The following KRT3 variants were observed in gnomAD, a reference collection of about 807,000 sequenced individuals.
KRT3 encodes the protein keratin 3.
A neutral mutation model predicts 45.8 loss-of-function variants in KRT3; 34 were observed. The observed-to-expected ratio is 0.74, with a 90% confidence interval of 0.57 to 0.99. The LOEUF is 0.99. Ranked by LOEUF, KRT3 falls within the 50% of genes least tolerant of loss-of-function variation. The probability of loss-of-function intolerance (pLI) is 0.00; values close to 1 mark genes in which losing one functional copy is unlikely to be tolerated. For synonymous variants in KRT3, 367 were observed against 329.0 expected (o/e 1.12, Z -1.25); for missense variants, 828 against 820.6 (o/e 1.01, Z -0.11).
intron 7 of KRT3, 54 bp downstream of exon 7, chr12:52,791,152 C>T (rs1397720551): frequency 1.2e-6 from 2 of 1,612,386 alleles, no homozygotes; most frequent in African/African-American, 2.7e-5. Flanking sequence ...CTTATCTGGC[C>T]CTTGGCCTAT....
rs62617086 is a variant in KRT3 at position 52,795,793 on chromosome 12, G to A, written c.250C>T (p.Arg84Trp). The A allele has an allele frequency of 1.8e-3, 2,930 of 1,613,926 alleles. 11 individuals carry two copies. The highest frequency in any genetic ancestry group is 0.017 in the African/African-American group (1,253 of 75,016). Residue 84 changes from arginine (R) to tryptophan (W), a missense_variant, in exon 1 of 9, where the codon CGG becomes TGG. Arg to Trp is a moderately radical substitution (Grantham distance 101). Transcript: ENST00000417996. ...CCACCTGCAAAGGCACAGCTGCTCC[G>A]CCCTCCCCCAAAGCCTCCAGCCCGG... ...GSRAGGFGGGRSSCAFAGGYG... is the reference protein window; with the variant it reads ...GSRAGGFGGGWSSCAFAGGYG...
At chr12:52,791,511 G>T (rs1023631268) in intron 6 of KRT3, 85 bp from the exon 7 acceptor site, 1 of 1,490,362 alleles carries the variant, frequency 6.7e-7, no homozygotes, top group Non-Finnish European at 9.2e-7. Flanking sequence ...CCATCTTAAA[G>T]TCAGGGAACA....
Position 52,792,770 on chromosome 12 carries a change from G to A in KRT3, c.964C>T (p.Gln322Ter). 3 of 1,613,774 alleles carry A rather than the reference G, an allele frequency of 1.9e-6. No individual in the cohort carries two copies. The highest frequency in any genetic ancestry group is 2.2e-5 in the East Asian group (1 of 44,876). Residue 322 changes from glutamine (Q) to a stop codon, truncating the protein, a stop_gained, in exon 4 of 9, where the codon CAG becomes TAG. Transcript: ENST00000417996. LOFTEE classifies it high-confidence loss of function. ...TCTATCAAGGCATCCACTTTGGCCT[G>A]AAGCTCCACCTTGTTCATATAGGCA... ...DSAYMNKVEL[Q>*]AKVDALIDEI...
rs759220498 is a variant in KRT3, at chr12:52,795,598, A to G, written c.445T>C (p.Phe149Leu). The G allele has an allele frequency of 1.3e-6, 2 of 1,598,648 alleles. No individual in the cohort carries two copies. Among genetic ancestry groups the G allele is most frequent in the Non-Finnish European group, 8.5e-7 (1 of 1,172,454 alleles). The change falls in exon 1 of 9, where the codon TTT (phenylalanine) becomes CTT (leucine). Residue 149 changes from phenylalanine (F) to leucine (L), a missense_variant. Coordinates refer to ENST00000417996, the MANE Select transcript of KRT3 (RefSeq NM_057088.3). ...CTGCCCAAGCTGCCAGGCCCACCAA[A>G]GCCACCAGACCCACCAAAGCCACCA... ...GPGGFGGSGG[F>L]GGPGSLGSPG...
In KRT3 at chr12:52,790,044, A is replaced by T. The variant is rs1939447597; in HGVS notation, c.1885T>A (p.Ter629LysextTer71). 1 of 1,538,650 alleles carries T rather than the reference A, an allele frequency of 6.5e-7. No individual in the cohort carries two copies. Among genetic ancestry groups the T allele is most frequent in the African/African-American group, 1.4e-5 (1 of 73,074 alleles). The change falls in exon 9 of 9, where the codon TAA (stop) becomes AAA (lysine). Residue 629 changes from the stop codon to lysine (K), a stop_lost. Transcript: ENST00000417996. Reference sequence around the variant, plus strand: ...GCTGCGATGCTGATGCGTGCTCTTTATCTGGAGTAGCGCTGGGAGGACTGG... The same window carrying T: ...GCTGCGATGCTGATGCGTGCTCTTTTTCTGGAGTAGCGCTGGGAGGACTGG... ...SSQSSQRYSR[*>K] is the part of the protein sequence containing the mutation.
At chr12:52,791,524 C>A in intron 6 of KRT3, 98 bp from the exon 7 acceptor site, 1 of 1,454,732 alleles carries the variant, frequency 6.9e-7, no homozygotes, top group Non-Finnish European at 9.4e-7. Flanking sequence ...AGGGAACATT[C>A]CTCCTCCCCT....
chr12:52,796,063 G>T lies in KRT3; in HGVS notation c.-21C>A, dbSNP rs773449878. On this transcript the variant is annotated 5_prime_UTR_variant, in exon 1 of 9. Transcript: ENST00000417996. ...CTCATGGTAAGGAGCTTGGCGAAGA[G>T]AAGAGTGTAAGTTAAGCAGGGACAC... 2.5e-6 allele frequency: 4 copies of T among 1,611,658 alleles called. No individual in the cohort carries two copies. The Admixed American group carries it at 6.7e-5, about 27-fold the overall frequency.
rs993984864 is a variant in KRT3 at position 52,795,336 on chromosome 12, T to G, written c.645+62A>C. The G allele has an allele frequency of 1.9e-6, 3 of 1,593,318 alleles. No individual in the cohort carries two copies. The African/African-American group carries it at 4.0e-5, about 21-fold the overall frequency. ...ATCCAAGAAACATTTAAACACTGTG[T>G]CCCAAAGGTCAAATTCAAAGTCCCC... On this transcript the variant is annotated intron_variant, in intron 1 of 8. Transcript: ENST00000417996.
Position 52,791,293 on chromosome 12 carries a change from C to T in KRT3, c.1448G>A (p.Arg483His), listed in dbSNP as rs772349450. 49 of 1,614,110 alleles carry T rather than the reference C, an allele frequency of 3.0e-5. No individual in the cohort carries two copies. The highest frequency in any genetic ancestry group is 5.5e-5 in the South Asian group (5 of 91,084). ...QAKDDLARLL[R>H]DYQELMNVKL... is the part of the protein sequence containing the mutation. ...GACATTCATCAGCTCCTGGTAGTCACGTAGCAGCCGCGCCAGGTCATCCTT... is the reference window on the plus strand; with the variant it reads ...GACATTCATCAGCTCCTGGTAGTCATGTAGCAGCCGCGCCAGGTCATCCTT... Residue 483 changes from arginine (R) to histidine (H), a missense_variant, in exon 7 of 9, where the codon CGT becomes CAT. By Grantham distance (29) the Arg-to-His change is conservative (BLOSUM62 0). Transcript: ENST00000417996.
chr12:52,791,549 G>C, intron 6 of KRT3, 123 bp from the exon 7 acceptor site: 6 of 1,420,002 alleles, frequency 4.2e-6, no homozygotes, highest in Non-Finnish European at 5.8e-6. Context: ...CCTCCATCTT[G>C]TCTCCATTTG....
intron 8 of KRT3, 83 bp from the exon 9 acceptor site, chr12:52,790,441 C>A: frequency 7.4e-7 from 1 of 1,349,856 alleles, no homozygotes; most frequent in South Asian, 1.5e-5. Context: ...ACCGGGCCCA[C>A]GACTATCCAG....
rs759160741 is a variant in KRT3 at position 52,790,289 on chromosome 12, C to T, written c.1640G>A (p.Gly547Asp). ...GYGGGYGGGM[G>D]GGLGGGFSAG... is the part of the protein sequence containing the mutation. ...ACTGAAGCCACCTCCTAAACCACCG[C>T]CCATGCCTCCGCCGTAACCTCCTCC... Residue 547 changes from glycine to aspartate, a missense_variant, in exon 9 of 9, where the codon GGC becomes GAC. Transcript: ENST00000417996. 1.9e-4 allele frequency: 291 copies of T among 1,559,680 alleles called. No homozygotes were observed. Among genetic ancestry groups the T allele is most frequent in the Non-Finnish European group, 2.3e-4 (270 of 1,151,954 alleles).
In KRT3 at chr12:52,795,518, G is replaced by T. The variant is rs1339960465; in HGVS notation, c.525C>A (p.Ile175=). The T allele has an allele frequency of 1.2e-6, 2 of 1,613,958 alleles. No individual in the cohort carries two copies. The highest frequency in any genetic ancestry group is 1.7e-6 in the Non-Finnish European group (2 of 1,180,018). ...TGAGGGGCTGCAGGAGACTCTGGTT[G>T]ATAGTCACTTCCTGAATTCCCCCAG... ...GFPGGIQEVT[I]NQSLLQPLNV... The change falls in exon 1 of 9, where the codon ATC becomes ATA. Residue 175 remains isoleucine, a synonymous_variant. Coordinates refer to ENST00000417996, the MANE Select transcript of KRT3 (RefSeq NM_057088.3).
intron 2 of KRT3, 69 bp from the exon 3 acceptor site, chr12:52,793,292 A>T (rs553822963): frequency 1.7e-5 from 18 of 1,085,116 alleles, no homozygotes; most frequent in Non-Finnish European, 2.1e-5. Flanking sequence ...GTTCCCTGGA[A>T]CTCTGAAAGT....
intron 6 of KRT3, 44 bp from the exon 7 acceptor site, chr12:52,791,470 C>T (rs759930409): frequency 4.4e-6 from 7 of 1,581,082 alleles, no homozygotes; most frequent in Non-Finnish European, 5.2e-6. Context: ...TAAGAGGGCC[C>T]CAGGCCCTTC....
chr12:52,795,881 A>G lies in KRT3; in HGVS notation c.162T>C (p.Ser54=), dbSNP rs879134674. The G allele has an allele frequency of 6.2e-7, 1 of 1,614,036 alleles. No individual in the cohort carries two copies. The highest frequency in any genetic ancestry group is 1.1e-5 in the South Asian group (1 of 91,082). Residue 54 remains serine (S), a synonymous_variant, in exon 1 of 9, where the codon AGT becomes AGC. Transcript: ENST00000417996. Reference sequence around the variant, plus strand: ...TGCCGCCCAGGTTGTAGAGGCTGCGACTGCCAAAGCCACCTGCTCCGCTCC... The same window carrying G: ...TGCCGCCCAGGTTGTAGAGGCTGCGGCTGCCAAAGCCACCTGCTCCGCTCC... ...GFRSGAGGFG[S]RSLYNLGGNK... is the part of the protein sequence containing the mutation.
Position 52,795,784 on chromosome 12 carries a change from A to T in KRT3, c.259T>A (p.Cys87Ser). The T allele has an allele frequency of 6.2e-7, 1 of 1,613,968 alleles. No homozygotes were observed. Among genetic ancestry groups the T allele is most frequent in the Non-Finnish European group, 8.5e-7 (1 of 1,179,866 alleles). ...AGGFGGGRSS[C>S]AFAGGYGGGF... ...CCTCCATAGCCACCTGCAAAGGCACAGCTGCTCCGCCCTCCCCCAAAGCCT... is the reference window on the plus strand; with the variant it reads ...CCTCCATAGCCACCTGCAAAGGCACTGCTGCTCCGCCCTCCCCCAAAGCCT... The change falls in exon 1 of 9, where the codon TGT (cysteine) becomes AGT (serine). Residue 87 changes from cysteine to serine, a missense_variant. By Grantham distance (112) the Cys-to-Ser change is moderately radical (BLOSUM62 -1). Transcript: ENST00000417996.
rs1274885837 is a variant in KRT3, at chr12:52,792,907, C to G, written c.928-101G>C. The G allele has an allele frequency of 4.9e-6, 4 of 809,054 alleles. No homozygotes were observed. In the Admixed American group the frequency reaches 8.0e-5, roughly 16 times the overall value. 50.1% of individuals were successfully genotyped at this position (809,054 alleles called of 1,614,324 possible). A position where few individuals can be genotyped will look rare whatever the true frequency, so the allele number is the denominator to read the frequency against. ...AGAGGGGACTGGTGCAGTGATGGTC[C>G]TTGTCTAAGACCAGTCTCCACTTGA... On this transcript the variant is annotated intron_variant, in intron 3 of 8. Coordinates refer to ENST00000417996, the MANE Select transcript of KRT3 (RefSeq NM_057088.3).
Position 52,794,158 on chromosome 12 carries a change from G to A in KRT3, c.819C>T (p.Asp273=), listed in dbSNP as rs1939586745. The change falls in exon 2 of 9, where the codon GAC becomes GAT. Residue 273 remains aspartate (D), a synonymous_variant. Transcript: ENST00000417996. ...DNILGERGRL[D]SELKNMEDLV... is the part of the protein sequence containing the mutation. ...GGTCCTCCATGTTCTTCAGCTCAGAGTCCAGGCGCCCTCTCTCCCCGAGGA... is the reference window on the plus strand; with the variant it reads ...GGTCCTCCATGTTCTTCAGCTCAGAATCCAGGCGCCCTCTCTCCCCGAGGA... 1 of 1,614,092 alleles carries A rather than the reference G, an allele frequency of 6.2e-7. No homozygotes were observed. Among genetic ancestry groups the A allele is most frequent in the Non-Finnish European group, 8.5e-7 (1 of 1,180,046 alleles).
Sources: allele counts gnomAD v4.1 joint callset, GRCh38; gene constraint gnomAD v4.1.1; transcripts MANE v1.5; gene names NCBI Gene and HGNC (gene_info 2026-07-23, HGNC 2026-07-21).